The following CACNA1D variants were observed in gnomAD, a reference collection of about 807,000 sequenced individuals.
CACNA1D encodes calcium voltage-gated channel subunit alpha1 D.
In CACNA1D, 55 loss-of-function variants were observed where a neutral mutation model predicts 257.1. That is an observed-to-expected ratio of 0.21 (90% confidence interval 0.17 to 0.27). The LOEUF (loss-of-function observed/expected upper bound fraction) is 0.27. Ranked by LOEUF, CACNA1D falls within the 10% of genes least tolerant of loss-of-function variation. The pLI, the probability that CACNA1D is intolerant of heterozygous loss-of-function variation, is 1.00. For missense variants in CACNA1D, 1,876 were observed against 2,784.0 expected (o/e 0.67, Z 7.34); for synonymous variants, 980 against 1,014.9 (o/e 0.97, Z 0.65).
chr3:53,702,547 C>A, intron 8 of CACNA1D, 94 bp from the exon 9 acceptor site: 1 of 1,206,232 alleles, frequency 8.3e-7, no homozygotes, highest in Non-Finnish European at 1.2e-6. Context: ...GCTGTGTGTC[C>A]TGCCCACAAG....
rs779207160 is a variant in CACNA1D, at chr3:53,651,366, C to CTTTTTTTTTTTTTTTTTTTTTTTTTT, written c.623+470_623+471insTTTTTTTTTTTTTTTTTTTTTTTTTT. Among the ~76,000 whole-genome samples the CTTTTTTTTTTTTTTTTTTTTTTTTTT allele has an allele frequency of 2.4e-4, 20 of 81,848 alleles. 2 individuals carry two copies. The highest frequency in any genetic ancestry group is 1.2e-3 in the East Asian group (3 of 2,536). The allele number at this position is 81,848 out of a possible 152,430, so 53.7% of individuals were successfully genotyped here. On this transcript the variant is annotated intron_variant, in intron 4 of 47. Transcript: ENST00000350061. ...TCCCTTGAGCAAAGCTATTAATTTT[C>CTTTTTTTTTTTTTTTTTTTTTTTTTT]TTTTTTTTTTTTTTTTTTTTTTGCT... is the stretch of plus-strand genomic sequence containing the variant.
Position 53,811,054 on chromosome 3 carries a change from C to A in CACNA1D, c.6193-59C>A. The stretch of plus-strand genomic sequence containing the variant: ...CACTGGAGTTGATTTTTCTGTCGTC[C>A]CCCTGCCCTGCAAAGCCTTATAACA... On this transcript the variant is annotated intron_variant, in intron 47 of 47. Transcript: ENST00000350061. The surrounding 1 kb of genome is among the most constrained non-coding windows in gnomAD (Gnocchi z 4.2). The A allele has an allele frequency of 7.3e-7, 1 of 1,374,196 alleles. No individual in the cohort carries two copies. The highest frequency in any genetic ancestry group is 1.0e-6 in the Non-Finnish European group (1 of 961,966). The allele number at this position is 1,374,196 out of a possible 1,614,324, so 85.1% of individuals were successfully genotyped here.
intron 30 of CACNA1D, among the ~76,000 whole-genome samples, chr3:53,767,230 G>A (rs756710957): frequency 6.6e-6 from 1 of 152,132 alleles, no homozygotes; most frequent in African/African-American, 2.4e-5. Flanking sequence ...GGAGTTCTCA[G>A]CTCTGGCAGC....
chr3:53,674,755 T>G (rs968307081), intron 8 of CACNA1D, among the ~76,000 whole-genome samples: 2 of 152,188 alleles, frequency 1.3e-5, no homozygotes, highest in African/African-American at 4.8e-5. Flanking sequence ...ATACAGCCAT[T>G]GCCGGGTTGT....
rs567890181 is a variant in CACNA1D, at chr3:53,652,959, A to G, written c.623+2041A>G. ...AATGTTTGAAAAGAAGTCTGAAAAG[A>G]AGCAAACTAGGCTGGGCATGGTGGC... On this transcript the variant is annotated intron_variant, in intron 4 of 47. Transcript: ENST00000350061. 2.0e-5 allele frequency among the ~76,000 whole-genome samples: 3 copies of G among 152,202 alleles called. No homozygotes were observed. In the South Asian group the frequency reaches 6.2e-4, roughly 31 times the overall value.
At chr3:53,795,066 G>T (rs1354098687) in intron 40 of CACNA1D, among the ~76,000 whole-genome samples, 1 of 152,206 alleles carries the variant, frequency 6.6e-6, no homozygotes, top group Admixed American at 6.5e-5. Context: ...GCATGGAGCT[G>T]CCTGTGTCCC....
At chr3:53,769,060 TG>T (rs2108994181) in intron 30 of CACNA1D, among the ~76,000 whole-genome samples, 1 of 152,370 alleles carries the variant, frequency 6.6e-6, no homozygotes, top group Non-Finnish European at 1.5e-5. Flanking sequence ...CTCCTGGTGC[TG>T]GCTGGAGTTT....
intron 16 of CACNA1D, 46 bp from the exon 17 acceptor site, chr3:53,731,031 G>A (rs746378164): frequency 4.3e-6 from 5 of 1,166,448 alleles, no homozygotes; most frequent in Admixed American, 1.7e-5. Context: ...TTTATACAGA[G>A]TAACATGGTT....
chr3:53,549,943 A>C (rs2092495428), intron 3 of CACNA1D, among the ~76,000 whole-genome samples: 1 of 152,108 alleles, frequency 6.6e-6, no homozygotes, highest in East Asian at 1.9e-4. Flanking sequence ...TCAAAGGATC[A>C]TGTGTTCTCT....
At position 53,770,018 on chromosome 3, in the gene CACNA1D, G is replaced by T. The variant is rs1265572528; in HGVS notation, c.3915+1G>T. Reference sequence around the variant, plus strand: ...CCCTGTCCCAACTGCTACACCTGGGGTAAGATCAGTGACTAGTCCCCAGGG... The same window carrying T: ...CCCTGTCCCAACTGCTACACCTGGGTTAAGATCAGTGACTAGTCCCCAGGG... On this transcript the variant is annotated splice_donor_variant, in intron 31 of 47. Transcript: ENST00000350061. LOFTEE classifies it high-confidence loss of function. The T allele has an allele frequency of 6.2e-7, 1 of 1,612,090 alleles. No homozygotes were observed. Among genetic ancestry groups the T allele is most frequent in the Admixed American group, 1.7e-5 (1 of 60,022 alleles).
Position 53,651,372 on chromosome 3 carries a change from T to C in CACNA1D, c.623+454T>C, listed in dbSNP as rs553587711. ...GAGCAAAGCTATTAATTTTCTTTTT[T>C]TTTTTTTTTTTTTTTTGCTGACTTG... On this transcript the variant is annotated intron_variant, in intron 4 of 47. Transcript: ENST00000350061. Among the ~76,000 whole-genome samples, 98 of 130,650 alleles carry C rather than the reference T, an allele frequency of 7.5e-4. 1 individual carries two copies. In the East Asian group the frequency reaches 0.017, roughly 23 times the overall value. 85.7% of individuals were successfully genotyped at this position (130,650 alleles called of 152,430 possible).
chr3:53,799,940 A>G (rs545279622), intron 40 of CACNA1D: 82 of 426,200 alleles, frequency 1.9e-4, no homozygotes, highest in Middle Eastern at 1.4e-3. Flanking sequence ...AGACAGGGGC[A>G]TAAGCTCTTG....
intron 3 of CACNA1D, among the ~76,000 whole-genome samples, chr3:53,523,412 C>T (rs1218482731): frequency 6.6e-6 from 1 of 152,180 alleles, no homozygotes; most frequent in Non-Finnish European, 1.5e-5. Context: ...TAGTTTGGAC[C>T]AAGCTAGGAT....
intron 3 of CACNA1D, among the ~76,000 whole-genome samples, chr3:53,629,444 G>T (rs1369753511): frequency 1.3e-5 from 2 of 152,210 alleles, no homozygotes; most frequent in Non-Finnish European, 2.9e-5. Context: ...TCCAACATAG[G>T]ATAAAATACA....
chr3:53,767,434 C>T (rs561803573), intron 30 of CACNA1D, among the ~76,000 whole-genome samples: 8 of 152,044 alleles, frequency 5.3e-5, no homozygotes, highest in Non-Finnish European at 1.2e-4. Flanking sequence ...GGCATGGTGG[C>T]GGGCGCCTGT....
chr3:53,600,296 AT>A (rs2093425419), intron 3 of CACNA1D, among the ~76,000 whole-genome samples: 1 of 152,292 alleles, frequency 6.6e-6, no homozygotes, highest in South Asian at 2.1e-4. Flanking sequence ...CGGATGAAGT[AT>A]TTGCTGAATC....
At chr3:53,799,235 C>A (rs1371224155) in intron 40 of CACNA1D, among the ~76,000 whole-genome samples, 1 of 152,198 alleles carries the variant, frequency 6.6e-6, no homozygotes, top group Non-Finnish European at 1.5e-5. Context: ...GCCATACAGT[C>A]CCTATTAGTC....
At chr3:53,755,354 C>T (rs6768105) in intron 29 of CACNA1D, among the ~76,000 whole-genome samples, 4,140 of 152,158 alleles carry the variant, frequency 0.027, 175 homozygotes, top group African/African-American at 0.095. Context: ...TGTGCACATG[C>T]GTGTGTGTTC....
In CACNA1D at chr3:53,720,559, T is replaced by C. The variant is rs568835076; in HGVS notation, c.1505+778T>C. Among the ~76,000 whole-genome samples, 4 of 152,236 alleles carry C rather than the reference T, an allele frequency of 2.6e-5. 1 individual carries two copies. In the East Asian group the frequency reaches 7.7e-4, roughly 29 times the overall value. The stretch of plus-strand genomic sequence containing the variant: ...AAAGATTAATGCATAAAGGAGAGTG[T>C]CAATAATAGAAAAACCCAATAAAAA... On this transcript the variant is annotated intron_variant, in intron 11 of 47. Transcript: ENST00000350061.
Sources: allele counts gnomAD v4.1 joint callset (sites outside exome capture counted in the v4.1 genomes callset), GRCh38; gene constraint gnomAD v4.1.1; non-coding constraint Gnocchi (gnomAD v3.1); transcripts MANE v1.5; gene names NCBI Gene and HGNC (gene_info 2026-07-23, HGNC 2026-07-21).